Variants in RERE observed in about 807,000 individuals in gnomAD.
RERE encodes the protein arginine-glutamic acid dipeptide repeats.
A neutral mutation model predicts 146.1 loss-of-function variants in RERE; 40 were observed. The ratio of observed to expected loss-of-function variants is 0.27; its 90% confidence interval spans 0.21 to 0.36. The LOEUF (loss-of-function observed/expected upper bound fraction) is 0.36. RERE is among the 10% of genes least tolerant of loss of function. The probability of loss-of-function intolerance (pLI) is 1.00; values close to 1 mark genes in which losing one functional copy is unlikely to be tolerated. For missense variants in RERE, 1,933 were observed against 2,138.7 expected, an observed-to-expected ratio of 0.90 and a Z score of 1.90; for synonymous variants, 1,003 against 866.0, an observed-to-expected ratio of 1.16 and a Z score of -2.78.
chr1:8,420,541 G>A (rs1318473719), intron 12 of RERE, among the ~76,000 whole-genome samples: 1 of 152,172 alleles, frequency 6.6e-6, no homozygotes, highest in Non-Finnish European at 1.5e-5. Context: ...CAAGATGAGT[G>A]CCTCTCCCAG....
At chr1:8,500,836 G>T (rs1645126474) in intron 8 of RERE, among the ~76,000 whole-genome samples, 1 of 147,420 alleles carries the variant, frequency 6.8e-6, no homozygotes, top group African/African-American at 2.7e-5. Flanking sequence ...TGTCTGGGAT[G>T]TGAGGAGCAC....
At chr1:8,601,448 T>TG (rs1392489260) in intron 4 of RERE, among the ~76,000 whole-genome samples, 6 of 151,788 alleles carry the variant, frequency 4.0e-5, no homozygotes, top group Non-Finnish European at 8.8e-5. Context: ...TTCCAGGGAG[T>TG]GGGGGGTACA....
chr1:8,566,355 C>T (rs2124442786), intron 4 of RERE, among the ~76,000 whole-genome samples: 1 of 152,332 alleles, frequency 6.6e-6, no homozygotes, highest in Middle Eastern at 3.4e-3. Context: ...GGTGTGGTGG[C>T]TCACACCTGT....
chr1:8,544,330 G>C (rs1242466665), intron 6 of RERE, among the ~76,000 whole-genome samples: 1 of 151,712 alleles, frequency 6.6e-6, no homozygotes, highest in African/African-American at 2.4e-5. Flanking sequence ...TTCCTTCTTT[G>C]TACATTTTTA....
chr1:8,667,309 C>G (rs189692533), intron 1 of RERE, among the ~76,000 whole-genome samples: 2 of 152,268 alleles, frequency 1.3e-5, no homozygotes, highest in East Asian at 1.9e-4. Context: ...TTATTTGAAG[C>G]AAAAATTCCC....
At chr1:8,450,442 G>A (rs752612422) in intron 11 of RERE, among the ~76,000 whole-genome samples, 1 of 150,642 alleles carries the variant, frequency 6.6e-6, no homozygotes, top group African/African-American at 2.4e-5. Flanking sequence ...CATAGCACAC[G>A]CTTCCTTCCT....
intron 1 of RERE, among the ~76,000 whole-genome samples, chr1:8,736,085 C>T (rs760894207): frequency 4.3e-4 from 65 of 152,266 alleles, no homozygotes; most frequent in Non-Finnish European, 8.1e-4. Flanking sequence ...TAAATGTATA[C>T]GCTATAGCAA....
chr1:8,600,338 CATCT>C (rs989896258), intron 4 of RERE, among the ~76,000 whole-genome samples: 8 of 152,326 alleles, frequency 5.3e-5, no homozygotes, highest in African/African-American at 9.6e-5. Context: ...AGATTAAACA[CATCT>C]ATCTATCAAT....
intron 11 of RERE, among the ~76,000 whole-genome samples, chr1:8,442,986 A>AC (rs1312995629): frequency 2.0e-5 from 3 of 152,098 alleles, no homozygotes. Context: ...GAGAGTGATG[A>AC]CCTAGGGTAT....
chr1:8,353,885 G>A lies in RERE; in HGVS notation c.*1202C>T, dbSNP rs1044101253. 6.6e-6 allele frequency: 1 copy of A among 152,596 alleles called. No individual in the cohort carries two copies. The highest frequency in any genetic ancestry group is 6.5e-5 in the Admixed American group (1 of 15,284). The allele number at this position is 152,596 out of a possible 1,614,324, so 9.5% of individuals were successfully genotyped here. A position where few individuals can be genotyped will look rare whatever the true frequency, so the allele number is the denominator to read the frequency against. On this transcript the variant is annotated 3_prime_UTR_variant, in exon 23 of 23. Coordinates refer to ENST00000400908, the MANE Select transcript of RERE (RefSeq NM_001042681.2). Reference sequence around the variant, plus strand: ...TTGCTCAAAAGTGGCCTCAATCTGTGGCAAGAAAGATGGGGCCGTCCTCAC... The same window carrying A: ...TTGCTCAAAAGTGGCCTCAATCTGTAGCAAGAAAGATGGGGCCGTCCTCAC...
chr1:8,383,661 C>A (rs934293781), intron 12 of RERE, among the ~76,000 whole-genome samples: 1 of 152,004 alleles, frequency 6.6e-6, no homozygotes, highest in African/African-American at 2.4e-5. Flanking sequence ...GAGTTTGAGA[C>A]CAGCCTGACC....
intron 1 of RERE, among the ~76,000 whole-genome samples, chr1:8,800,021 C>T (rs906632029): frequency 1.2e-4 from 19 of 152,084 alleles, no homozygotes; most frequent in African/African-American, 4.3e-4. Flanking sequence ...ACCATGTTGG[C>T]CAGACTGGTC....
chr1:8,498,732 T>TATATAC (rs150497092), intron 8 of RERE, among the ~76,000 whole-genome samples: 49 of 107,834 alleles, frequency 4.5e-4, no homozygotes, highest in Middle Eastern at 5.4e-3. Context: ...AATAAATATA[T>TATATAC]ACACACACAC....
chr1:8,375,912 C>T (rs1349498962), intron 12 of RERE, among the ~76,000 whole-genome samples: 1 of 152,238 alleles, frequency 6.6e-6, no homozygotes. Context: ...CTTTTTATAT[C>T]TTAATATATA....
chr1:8,691,994 CTGAGTT>C (rs1639217342), intron 1 of RERE, among the ~76,000 whole-genome samples: 1 of 152,142 alleles, frequency 6.6e-6, no homozygotes. Context: ...TTCTGCATTT[CTGAGTT>C]CCTTGATCAT....
chr1:8,694,716 AC>A (rs1553135143), intron 1 of RERE, among the ~76,000 whole-genome samples: 1 of 151,874 alleles, frequency 6.6e-6, no homozygotes, highest in Non-Finnish European at 1.5e-5. Context: ...CCAAGATCAT[AC>A]CTCTGCATTC....
At chr1:8,501,764 G>A (rs1455072767) in intron 8 of RERE, among the ~76,000 whole-genome samples, 2 of 127,854 alleles carry the variant, frequency 1.6e-5, no homozygotes, top group Non-Finnish European at 3.4e-5. Flanking sequence ...GGAGGTGGGG[G>A]GATCAGCCCC....
chr1:8,611,777 G>A (rs1646796487), intron 4 of RERE, among the ~76,000 whole-genome samples: 1 of 152,146 alleles, frequency 6.6e-6, no homozygotes. Flanking sequence ...CCCCTTGAAA[G>A]GTTGCACCTT....
intron 12 of RERE, among the ~76,000 whole-genome samples, chr1:8,401,339 G>C (rs368984415): frequency 4.6e-5 from 7 of 151,966 alleles, no homozygotes; most frequent in African/African-American, 1.5e-4. Flanking sequence ...GTCTTCCAGA[G>C]CCCAAGGTGG....
Sources: gnomAD v4.1 joint callset for allele counts (sites outside exome capture counted in the v4.1 genomes callset) on GRCh38, gnomAD v4.1.1 for gene constraint, MANE v1.5 for transcripts, NCBI Gene and HGNC (gene_info 2026-07-23, HGNC 2026-07-21) for gene names.